The following NME7 variants were observed in gnomAD, a reference collection of about 807,000 sequenced individuals.
The protein encoded by NME7 is NME/NM23 family member 7.
In NME7, 41 loss-of-function variants were observed where a neutral mutation model predicts 49.1. That is an observed-to-expected ratio of 0.83 (90% CI 0.65 to 1.08). The LOEUF (loss-of-function observed/expected upper bound fraction) is 1.08, where lower values mean the gene tolerates loss of function less well. NME7 is among the 50% of genes least tolerant of loss of function. The pLI is 0.00. For synonymous variants in NME7, 139 were observed against 150.6 expected (o/e 0.92, Z 0.56); for missense variants, 423 against 463.4 (o/e 0.91, Z 0.80).
chr1:169,231,763 G>T (rs543526328), intron 9 of NME7, among the ~76,000 whole-genome samples: 2 of 152,208 alleles, frequency 1.3e-5, no homozygotes, highest in East Asian at 3.9e-4. Context: ...CTGCACCATA[G>T]CAGTTGGCCT....
chr1:169,268,836 A>G (rs1230380198), intron 7 of NME7, among the ~76,000 whole-genome samples: 1 of 133,042 alleles, frequency 7.5e-6, no homozygotes, highest in African/African-American at 2.5e-5. Context: ...AAATACCTAC[A>G]GAGTACTGTG....
intron 1 of NME7, among the ~76,000 whole-genome samples, chr1:169,364,152 A>G (rs1389456895): frequency 6.6e-6 from 1 of 152,206 alleles, no homozygotes; most frequent in Non-Finnish European, 1.5e-5. Flanking sequence ...TTCATTCCGC[A>G]AACATTTGAG....
At position 169,211,308 on chromosome 1, in the gene NME7, T is replaced by C. The variant is rs181893224; in HGVS notation, c.990+19410A>G. ...ATAGGGGAAAACATTATTTTGTTCC[T>C]ATATTTACAGTATGTCATACCTAGG... On this transcript the variant is annotated intron_variant, in intron 10 of 11. Coordinates refer to ENST00000367811, the MANE Select transcript of NME7 (RefSeq NM_013330.5). Among the ~76,000 whole-genome samples the C allele has an allele frequency of 7.1e-3, 1,082 of 152,302 alleles. 7 individuals carry two copies. Among genetic ancestry groups the C allele is most frequent in the Non-Finnish European group, 0.012 (829 of 68,008 alleles).
chr1:169,200,902 A>T (rs1454914216), intron 10 of NME7, among the ~76,000 whole-genome samples: 2 of 152,080 alleles, frequency 1.3e-5, no homozygotes, highest in Non-Finnish European at 2.9e-5. Context: ...CATTGGCCTC[A>T]CCATCCCTGA....
chr1:169,285,775 C>G (rs1650255680), intron 7 of NME7: 1 of 152,080 alleles, frequency 6.6e-6, no homozygotes, highest in Non-Finnish European at 1.5e-5. Context: ...ATCCATGCTG[C>G]ATGTTAGTTA....
rs182723391 is a variant in NME7, at chr1:169,258,451, C to T, written c.755-20764G>A. 3.2e-3 allele frequency among the ~76,000 whole-genome samples: 385 copies of T among 121,556 alleles called. 75 individuals are homozygous for T. Among genetic ancestry groups the T allele is most frequent in the South Asian group, 0.015 (57 of 3,926 alleles). 79.7% of individuals were successfully genotyped at this position (121,556 alleles called of 152,430 possible). ...ACACACACACATATATCTTCTCATTCTCAAAGTTAGCCTTTGCACAACATT... is the reference window on the plus strand; with the variant it reads ...ACACACACACATATATCTTCTCATTTTCAAAGTTAGCCTTTGCACAACATT... On this transcript the variant is annotated intron_variant, in intron 7 of 11. Transcript: ENST00000367811.
At chr1:169,246,361 A>C (rs1214419520) in intron 7 of NME7, among the ~76,000 whole-genome samples, 1 of 152,168 alleles carries the variant, frequency 6.6e-6, no homozygotes, top group African/African-American at 2.4e-5. Flanking sequence ...AGAATTGTTA[A>C]ATTGGGAACC....
intron 10 of NME7, among the ~76,000 whole-genome samples, chr1:169,223,007 T>C (rs1014972994): frequency 6.6e-6 from 1 of 152,228 alleles, no homozygotes; most frequent in South Asian, 2.1e-4. Flanking sequence ...ATGTCATTTA[T>C]GGCCAAAGTA....
chr1:169,302,985 AAGAC>A (rs1651006877), intron 5 of NME7, 156 bp downstream of exon 5: 2 of 429,282 alleles, frequency 4.7e-6, no homozygotes, highest in Admixed American at 4.3e-5. Context: ...ACTTAATAAA[AAGAC>A]AGAGAATATA....
At chr1:169,343,704 G>A (rs541136080) in intron 1 of NME7, among the ~76,000 whole-genome samples, 5 of 151,930 alleles carry the variant, frequency 3.3e-5, no homozygotes, top group South Asian at 4.2e-4. Flanking sequence ...CATGTTGGCC[G>A]GGCTGGTCTC....
chr1:169,291,271 C>G (rs1426871338), intron 6 of NME7, among the ~76,000 whole-genome samples: 8 of 152,134 alleles, frequency 5.3e-5, no homozygotes, highest in African/African-American at 1.9e-4. Flanking sequence ...AAATGCCCAT[C>G]AGTGATAGAC....
chr1:169,169,509 C>G lies in NME7; in HGVS notation c.1036G>C (p.Gly346Arg), dbSNP rs201432827. 1.6e-5 allele frequency: 26 copies of G among 1,613,898 alleles called. No homozygotes were observed. The highest frequency in any genetic ancestry group is 2.2e-5 in the Non-Finnish European group (26 of 1,179,964). ...LRPGTLRAIF[G>R]KTKIQNAVHC... is the part of the protein sequence containing the mutation. Reference sequence around the variant, plus strand: ...ACAGCATTCTGGATCTTAGTTTTACCAAAGATTGCTCTGAGAGTTCCAGGG... The same window carrying G: ...ACAGCATTCTGGATCTTAGTTTTACGAAAGATTGCTCTGAGAGTTCCAGGG... Residue 346 changes from glycine (G) to arginine (R), a missense_variant, in exon 11 of 12, where the codon GGT (glycine) becomes CGT (arginine). Transcript: ENST00000367811.
At position 169,356,439 on chromosome 1, in the gene NME7, G is replaced by A. The variant is rs546905852; in HGVS notation, c.3+11269C>T. Among the ~76,000 whole-genome samples the A allele has an allele frequency of 1.4e-4, 21 of 152,160 alleles. 1 individual carries two copies. The highest frequency in any genetic ancestry group is 2.6e-4 in the Admixed American group (4 of 15,252). Reference sequence around the variant, plus strand: ...CATTTGAACATACATCTGAAAAAACGTGTAGGAGCATTTCAGGCAAATGGA... The same window carrying A: ...CATTTGAACATACATCTGAAAAAACATGTAGGAGCATTTCAGGCAAATGGA... On this transcript the variant is annotated intron_variant, in intron 1 of 11. Transcript: ENST00000367811.
intron 10 of NME7, among the ~76,000 whole-genome samples, chr1:169,182,710 C>T (rs956015752): frequency 6.6e-6 from 1 of 152,106 alleles, no homozygotes; most frequent in African/African-American, 2.4e-5. Flanking sequence ...CTTTTTATAT[C>T]CAACACACAG....
At chr1:169,322,833 T>C (rs1033445329) in intron 3 of NME7, among the ~76,000 whole-genome samples, 2 of 152,062 alleles carry the variant, frequency 1.3e-5, no homozygotes, top group Non-Finnish European at 2.9e-5. Context: ...GATTTTAAAT[T>C]GTGATTCATT....
intron 10 of NME7, among the ~76,000 whole-genome samples, chr1:169,215,312 G>C (rs1660945714): frequency 6.6e-6 from 1 of 152,082 alleles, no homozygotes; most frequent in African/African-American, 2.4e-5. Flanking sequence ...ACAGGATGGG[G>C]GGCAGGGTAA....
At chr1:169,185,238 G>A (rs533215116) in intron 10 of NME7, among the ~76,000 whole-genome samples, 7 of 152,100 alleles carry the variant, frequency 4.6e-5, no homozygotes, top group Non-Finnish European at 7.4e-5. Context: ...AATAAGACAC[G>A]ACAATTCAAG....
chr1:169,291,018 TG>T (rs1440972627), intron 6 of NME7, among the ~76,000 whole-genome samples: 2 of 152,118 alleles, frequency 1.3e-5, no homozygotes, highest in African/African-American at 4.8e-5. Flanking sequence ...CAACAGATGC[TG>T]GAGAGGATGT....
rs1361980443 is a variant in NME7, at chr1:169,333,336, G to T, written c.4-8836C>A. Among the ~76,000 whole-genome samples, 3 of 152,124 alleles carry T rather than the reference G, an allele frequency of 2.0e-5. No individual in the cohort carries two copies. The East Asian group carries it at 5.8e-4, about 29-fold the overall frequency. On this transcript the variant is annotated intron_variant, in intron 1 of 11. Coordinates refer to ENST00000367811, the MANE Select transcript of NME7 (RefSeq NM_013330.5). ...AAGAGTAGTGGGAGGCTGTAGGGAA[G>T]GTGGGGGTGAATAACAGGTACAAAA...
Sources: allele counts gnomAD v4.1 joint callset (sites outside exome capture counted in the v4.1 genomes callset), GRCh38; gene constraint gnomAD v4.1.1; transcripts MANE v1.5; gene names NCBI Gene and HGNC (gene_info 2026-07-23, HGNC 2026-07-21).